The following ARHGAP24 variants were observed in gnomAD, a reference collection of about 807,000 sequenced individuals.
The protein encoded by ARHGAP24 is rho GTPase-activating protein 24.
ARHGAP24 carries 50 observed loss-of-function variants against 76.4 expected under a neutral mutation model. That is an observed-to-expected ratio of 0.65 (90% CI 0.52 to 0.83). ARHGAP24 has a LOEUF of 0.83. Among genes scored for constraint, ARHGAP24 ranks in the 40% least tolerant of loss-of-function variants. ARHGAP24 has a pLI of 0.00. For missense variants in ARHGAP24, 930 were observed against 914.2 expected, an observed-to-expected ratio of 1.02 and a Z score of -0.22; for synonymous variants, 345 against 323.3, an observed-to-expected ratio of 1.07 and a Z score of -0.72.
intron 3 of ARHGAP24, among the ~76,000 whole-genome samples, chr4:85,723,005 G>A (rs1165371343): frequency 6.6e-6 from 1 of 152,170 alleles, no homozygotes; most frequent in Non-Finnish European, 1.5e-5. Flanking sequence ...CAGCTGAAGT[G>A]CAGAAAGGTT....
chr4:85,716,187 A>G (rs1578166219), intron 2 of ARHGAP24, among the ~76,000 whole-genome samples: 1 of 151,940 alleles, frequency 6.6e-6, no homozygotes, highest in Non-Finnish European at 1.5e-5. Flanking sequence ...CCCTGTGCCT[A>G]TTTTCAACAG....
chr4:85,614,771 C>T (rs1287175224), intron 2 of ARHGAP24, among the ~76,000 whole-genome samples: 2 of 151,948 alleles, frequency 1.3e-5, no homozygotes, highest in African/African-American at 2.4e-5. Context: ...ACTTAAATAT[C>T]ACATTAATTC....
intron 3 of ARHGAP24, among the ~76,000 whole-genome samples, chr4:85,882,065 A>G (rs181793996): frequency 1.1e-3 from 161 of 152,314 alleles, no homozygotes; most frequent in African/African-American, 3.7e-3. Context: ...TAAAAATCAG[A>G]AGATCCAATT....
At chr4:85,908,330 A>G (rs1304599560) in intron 3 of ARHGAP24, among the ~76,000 whole-genome samples, 1 of 152,140 alleles carries the variant, frequency 6.6e-6, no homozygotes, top group African/African-American at 2.4e-5. Flanking sequence ...TTGTCTCCTT[A>G]TTAAGATCAC....
intron 2 of ARHGAP24, among the ~76,000 whole-genome samples, chr4:85,632,600 C>CGTGTATACACT (rs577568472): frequency 6.6e-6 from 1 of 151,898 alleles, no homozygotes; most frequent in African/African-American, 2.4e-5. Context: ...CCTTTTATAT[C>CGTGTATACACT]GTGTATACAC....
chr4:85,961,732 T>G (rs552153414), intron 5 of ARHGAP24, among the ~76,000 whole-genome samples: 1 of 152,048 alleles, frequency 6.6e-6, no homozygotes, highest in African/African-American at 2.4e-5. Context: ...TATTAAAGTA[T>G]ATATAATATG....
intron 3 of ARHGAP24, among the ~76,000 whole-genome samples, chr4:85,773,826 CA>C (rs1291819834): frequency 6.6e-5 from 10 of 152,032 alleles, no homozygotes. Flanking sequence ...GAAATTATTA[CA>C]AAAACTTCAT....
At chr4:85,603,531 G>A (rs1219539662) in intron 2 of ARHGAP24, among the ~76,000 whole-genome samples, 1 of 152,130 alleles carries the variant, frequency 6.6e-6, no homozygotes, top group African/African-American at 2.4e-5. Flanking sequence ...GATGTGTAAA[G>A]GAAACTAGTT....
chr4:85,827,870 C>T (rs1729799064), intron 3 of ARHGAP24: 1 of 1,282,200 alleles, frequency 7.8e-7, no homozygotes, highest in Non-Finnish European at 1.0e-6. Flanking sequence ...CTGAGTTGGG[C>T]TCGAATGTGC....
At chr4:85,948,873 T>C (rs376736115) in intron 5 of ARHGAP24, among the ~76,000 whole-genome samples, 11 of 152,168 alleles carry the variant, frequency 7.2e-5, no homozygotes, top group African/African-American at 2.7e-4. Context: ...ACATCGAGAC[T>C]CTTTGACCAG....
chr4:85,594,282 A>AT (rs1475116906), intron 2 of ARHGAP24, among the ~76,000 whole-genome samples: 1 of 151,932 alleles, frequency 6.6e-6, no homozygotes, highest in African/African-American at 2.4e-5. Context: ...AACAGAACTG[A>AT]TTTTTGTTTG....
intron 8 of ARHGAP24, chr4:85,990,849 T>C (rs570128876): frequency 1.3e-5 from 2 of 152,142 alleles, no homozygotes; most frequent in East Asian, 1.9e-4. Flanking sequence ...AGAAATCTTA[T>C]GACGTTGTGC....
chr4:85,675,775 A>G (rs904278007), intron 2 of ARHGAP24, among the ~76,000 whole-genome samples: 6 of 152,210 alleles, frequency 3.9e-5, no homozygotes, highest in East Asian at 3.9e-4. Context: ...CATTTGACAA[A>G]GCAAAGCTGC....
At chr4:85,625,337 GTCAT>G (rs1401820320) in intron 2 of ARHGAP24, among the ~76,000 whole-genome samples, 1 of 152,180 alleles carries the variant, frequency 6.6e-6, no homozygotes, top group Non-Finnish European at 1.5e-5. Context: ...GTACCTAGTA[GTCAT>G]TCAGGAGCAG....
chr4:85,482,260 A>G (rs1271877413), intron 1 of ARHGAP24, among the ~76,000 whole-genome samples: 2 of 152,184 alleles, frequency 1.3e-5, no homozygotes, highest in Non-Finnish European at 2.9e-5. Flanking sequence ...TGAAATGTTG[A>G]TGATTTTATA....
chr4:85,935,998 GAA>G (rs1237943925), intron 4 of ARHGAP24, among the ~76,000 whole-genome samples: 2 of 152,308 alleles, frequency 1.3e-5, no homozygotes, highest in East Asian at 1.9e-4. Flanking sequence ...GTGATAGAGT[GAA>G]ATAAGCTTTG....
At chr4:85,853,571 A>T (rs539269227) in intron 3 of ARHGAP24, among the ~76,000 whole-genome samples, 41 of 152,272 alleles carry the variant, frequency 2.7e-4, no homozygotes, top group African/African-American at 9.1e-4. Flanking sequence ...TCACGCTGGG[A>T]GCTGCAGACT....
intron 2 of ARHGAP24, among the ~76,000 whole-genome samples, chr4:85,688,385 T>G (rs1288338067): frequency 1.3e-5 from 2 of 152,206 alleles, no homozygotes; most frequent in Admixed American, 1.3e-4. Flanking sequence ...GAGAAGCTGC[T>G]TTTCATGTTC....
At chr4:85,775,565 T>C (rs1727282577) in intron 3 of ARHGAP24, among the ~76,000 whole-genome samples, 1 of 152,098 alleles carries the variant, frequency 6.6e-6, no homozygotes, top group African/African-American at 2.4e-5. Context: ...GAGAACAGTA[T>C]GGGGGAAACT....
Sources: gnomAD v4.1 joint callset for allele counts (sites outside exome capture counted in the v4.1 genomes callset) on GRCh38, gnomAD v4.1.1 for gene constraint, MANE v1.5 for transcripts, NCBI Gene and HGNC (gene_info 2026-07-23, HGNC 2026-07-21) for gene names.